Variants in CDH12 observed in about 807,000 individuals in gnomAD.
The protein encoded by CDH12 is cadherin-12.
In CDH12, 41 loss-of-function variants were observed where a neutral mutation model predicts 74.1. The ratio of observed to expected loss-of-function variants is 0.55; its 90% CI spans 0.43 to 0.72. CDH12 has a LOEUF of 0.72. Ranked by LOEUF, CDH12 falls within the 30% of genes least tolerant of loss-of-function variation. The pLI, the probability that CDH12 is intolerant of heterozygous loss-of-function variation, is 0.00. For missense variants in CDH12, 945 were observed against 977.2 expected (o/e 0.97, Z 0.44); for synonymous variants, 399 against 355.0 (o/e 1.12, Z -1.39).
chr5:22,280,922 A>G, intron 3 of CDH12, among the ~76,000 whole-genome samples: 1 of 152,174 alleles, frequency 6.6e-6, no homozygotes, highest in East Asian at 1.9e-4. Flanking sequence ...CACAACAAAA[A>G]AAGAGAATTT....
At chr5:22,687,530 C>T (rs1207030613) in intron 1 of CDH12, among the ~76,000 whole-genome samples, 2 of 152,074 alleles carry the variant, frequency 1.3e-5, no homozygotes, top group Non-Finnish European at 2.9e-5. Flanking sequence ...GCCTCAGCCT[C>T]TCAAGTAGCT....
chr5:22,290,428 ATT>A (rs1444921727), intron 3 of CDH12, among the ~76,000 whole-genome samples: 1 of 152,214 alleles, frequency 6.6e-6, no homozygotes, highest in Non-Finnish European at 1.5e-5. Flanking sequence ...AAAACGAGAT[ATT>A]TAATAGAGGG....
At chr5:22,599,934 C>T (rs1344960894) in intron 1 of CDH12, among the ~76,000 whole-genome samples, 6 of 152,096 alleles carry the variant, frequency 3.9e-5, no homozygotes, top group Non-Finnish European at 7.4e-5. Flanking sequence ...ATTTATGTAG[C>T]TTCCAGCCAC....
At chr5:22,125,194 C>G (rs1477708752) in intron 4 of CDH12, among the ~76,000 whole-genome samples, 1 of 151,882 alleles carries the variant, frequency 6.6e-6, no homozygotes, top group African/African-American at 2.4e-5. Flanking sequence ...CTGTACCTAT[C>G]AACCTGTCAT....
intron 7 of CDH12, among the ~76,000 whole-genome samples, chr5:21,854,385 T>C (rs1750640147): frequency 6.6e-6 from 1 of 151,734 alleles, no homozygotes; most frequent in African/African-American, 2.4e-5. Flanking sequence ...TGGAAGAATT[T>C]GTTTTAAAGT....
In CDH12 at chr5:22,482,197, C is replaced by T. The variant is rs192615186; in HGVS notation, c.-428+23073G>A. ...TAATTTTATATGTTATTTGGTAGGC[C>T]GTCATATTTCAGATAAGAAAACCGA... On this transcript the variant is annotated intron_variant, in intron 2 of 14. Coordinates refer to ENST00000382254, the MANE Select transcript of CDH12 (RefSeq NM_004061.5). Among the ~76,000 whole-genome samples the T allele has an allele frequency of 2.4e-3, 363 of 151,998 alleles. 1 individual carries two copies. Among genetic ancestry groups the T allele is most frequent in the Admixed American group, 0.015 (233 of 15,262 alleles).
chr5:22,076,471 CAG>C lies in CDH12; in HGVS notation c.231+1973_231+1974del, dbSNP rs965815212. The stretch of plus-strand genomic sequence containing the variant: ...TCTATCGATCTTCTCTAATCAAAAA[CAG>C]AGAATTTGTCAGGAACCTCAATATG... On this transcript the variant is annotated intron_variant, in intron 5 of 14. Transcript: ENST00000382254. 1.1e-4 allele frequency among the ~76,000 whole-genome samples: 16 copies of C among 152,188 alleles called. 2 individuals are homozygous for C. The highest frequency in any genetic ancestry group is 3.6e-4 in the African/African-American group (15 of 41,550).
intron 4 of CDH12, among the ~76,000 whole-genome samples, chr5:22,184,229 G>C (rs758858791): frequency 6.6e-5 from 10 of 152,102 alleles, no homozygotes; most frequent in Non-Finnish European, 1.0e-4. Flanking sequence ...TGTAACACAT[G>C]CCTAAGAGAT....
chr5:22,703,946 G>T (rs192501355), intron 1 of CDH12, among the ~76,000 whole-genome samples: 1 of 151,962 alleles, frequency 6.6e-6, no homozygotes, highest in East Asian at 1.9e-4. Context: ...CATAATAGAC[G>T]TATTTGGAGT....
chr5:21,780,539 A>C (rs561984660), intron 11 of CDH12, among the ~76,000 whole-genome samples: 2 of 152,356 alleles, frequency 1.3e-5, no homozygotes, highest in Non-Finnish European at 2.9e-5. Context: ...TTATGCCTAC[A>C]TCAAGGAAAC....
intron 5 of CDH12, among the ~76,000 whole-genome samples, chr5:21,998,885 G>A (rs193071295): frequency 2.6e-5 from 4 of 152,242 alleles, no homozygotes; most frequent in Admixed American, 6.5e-5. Context: ...ATGAGGCATA[G>A]ATAAAGAGGG....
chr5:22,027,775 TCGTTAA>T (rs1404072211), intron 5 of CDH12, among the ~76,000 whole-genome samples: 275 of 152,278 alleles, frequency 1.8e-3, no homozygotes, highest in African/African-American at 6.4e-3. Context: ...GCTCCTGGAT[TCGTTAA>T]TTTTTTGAAG....
rs185361219 is a variant in CDH12, at chr5:22,205,475, T to C, written c.-187+7023A>G. Among the ~76,000 whole-genome samples, 831 of 152,268 alleles carry C rather than the reference T, an allele frequency of 5.5e-3. 5 individuals carry two copies. The highest frequency in any genetic ancestry group is 0.019 in the African/African-American group (802 of 41,576). ...GGTTTGTAATTTTTAATTTATATTATCACAATGATGGTAATATAAATTATC... is the reference window on the plus strand; with the variant it reads ...GGTTTGTAATTTTTAATTTATATTACCACAATGATGGTAATATAAATTATC... On this transcript the variant is annotated intron_variant, in intron 4 of 14. Transcript: ENST00000382254.
At chr5:21,934,843 G>C (rs1231081681) in intron 6 of CDH12, among the ~76,000 whole-genome samples, 2 of 151,870 alleles carry the variant, frequency 1.3e-5, no homozygotes, top group Non-Finnish European at 2.9e-5. Flanking sequence ...CTGGAGTGCA[G>C]TGGCGCGATC....
intron 1 of CDH12, among the ~76,000 whole-genome samples, chr5:22,704,994 T>A (rs1742914310): frequency 6.6e-6 from 1 of 151,908 alleles, no homozygotes; most frequent in African/African-American, 2.4e-5. Context: ...TTATAAATCA[T>A]CTTTGTATAC....
intron 3 of CDH12, among the ~76,000 whole-genome samples, chr5:22,404,689 A>G (rs1167151559): frequency 6.6e-6 from 1 of 152,232 alleles, no homozygotes; most frequent in East Asian, 1.9e-4. Flanking sequence ...GAGTGAGGAA[A>G]GAATAATTAC....
intron 1 of CDH12, among the ~76,000 whole-genome samples, chr5:22,664,490 C>A (rs578098724): frequency 7.5e-4 from 114 of 152,178 alleles, no homozygotes; most frequent in African/African-American, 2.7e-3. Flanking sequence ...GGAAAACTGC[C>A]CCTGTGATTC....
intron 3 of CDH12, among the ~76,000 whole-genome samples, chr5:22,374,661 A>G (rs1022109949): frequency 4.6e-5 from 7 of 152,150 alleles, no homozygotes; most frequent in South Asian, 2.1e-4. Flanking sequence ...CTATACTTCA[A>G]TAATGAACTA....
intron 1 of CDH12, among the ~76,000 whole-genome samples, chr5:22,649,500 A>T (rs1739619537): frequency 6.6e-6 from 1 of 152,050 alleles, no homozygotes; most frequent in African/African-American, 2.4e-5. Flanking sequence ...AGAGGACAGC[A>T]GAAAGAACAG....
Sources: gnomAD v4.1 joint callset for allele counts (sites outside exome capture counted in the v4.1 genomes callset) on GRCh38, gnomAD v4.1.1 for gene constraint, MANE v1.5 for transcripts, NCBI Gene and HGNC (gene_info 2026-07-23, HGNC 2026-07-21) for gene names.